PRKCE: variants seen among roughly 807,000 people sequenced by gnomAD.
PRKCE encodes the protein protein kinase C epsilon type.
PRKCE carries 16 observed loss-of-function variants against 85.4 expected under a neutral mutation model. That is an observed-to-expected ratio of 0.19 (90% confidence interval 0.13 to 0.28). PRKCE has a LOEUF of 0.28. Ranked by LOEUF, PRKCE falls within the 10% of genes least tolerant of loss-of-function variation. The pLI is 1.00. For missense variants in PRKCE, 573 were observed against 975.2 expected (o/e 0.59, Z 5.49); for synonymous variants, 388 against 371.5 (o/e 1.04, Z -0.51).
At chr2:45,781,486 T>A (rs959893214) in intron 1 of PRKCE, among the ~76,000 whole-genome samples, 3 of 151,986 alleles carry the variant, frequency 2.0e-5, no homozygotes, top group Admixed American at 1.3e-4. Context: ...TTAATGACAA[T>A]TTGTTTGTTA....
intron 1 of PRKCE, among the ~76,000 whole-genome samples, chr2:45,688,882 G>A (rs370858330): frequency 2.4e-4 from 37 of 152,324 alleles, no homozygotes; most frequent in Middle Eastern, 3.4e-3. Context: ...TTATCAGTAA[G>A]CTTCTGAATT....
At chr2:46,077,725 A>T (rs1668682303) in intron 10 of PRKCE, among the ~76,000 whole-genome samples, 1 of 152,196 alleles carries the variant, frequency 6.6e-6, no homozygotes, top group Admixed American at 6.5e-5. Context: ...AAAAATAATT[A>T]TTACTCAGAT....
chr2:46,057,642 C>G (rs954105055), intron 10 of PRKCE, among the ~76,000 whole-genome samples: 15 of 152,282 alleles, frequency 9.9e-5, no homozygotes, highest in Admixed American at 7.8e-4. Flanking sequence ...CCACGTTGGC[C>G]AGGCTGGTCT....
chr2:46,136,991 A>T (rs1382197247), intron 11 of PRKCE, among the ~76,000 whole-genome samples: 1 of 152,234 alleles, frequency 6.6e-6, no homozygotes, highest in Admixed American at 6.5e-5. Flanking sequence ...CAAAAATAAA[A>T]GGAGTTTTAG....
chr2:45,664,391 C>T lies in PRKCE; in HGVS notation c.348+11943C>T, dbSNP rs138178125. ...TAATAGCTACCTTATAGCAAGTTTG[C>T]GATCAATGGTTAACTACTTATTATT... On this transcript the variant is annotated intron_variant, in intron 1 of 14. Transcript: ENST00000306156. Among the ~76,000 whole-genome samples, 34 of 152,250 alleles carry T rather than the reference C, an allele frequency of 2.2e-4. No individual in the cohort carries two copies. In the South Asian group the frequency reaches 4.4e-3, roughly 20 times the overall value.
intron 1 of PRKCE, among the ~76,000 whole-genome samples, chr2:45,750,806 G>A (rs1166500902): frequency 2.0e-5 from 3 of 152,136 alleles, no homozygotes; most frequent in African/African-American, 7.2e-5. Context: ...TGCATGCTTG[G>A]TAAGTGTGTG....
intron 1 of PRKCE, among the ~76,000 whole-genome samples, chr2:45,689,435 G>T (rs896463163): frequency 6.6e-6 from 1 of 152,028 alleles, no homozygotes. Flanking sequence ...TCCTATTGGC[G>T]AAAAGAAGGT....
chr2:45,744,307 A>T (rs112743487), intron 1 of PRKCE, among the ~76,000 whole-genome samples: 119 of 152,236 alleles, frequency 7.8e-4, no homozygotes, highest in Non-Finnish European at 1.5e-3. Context: ...TTTTCCAAAA[A>T]ATTTCCTAGA....
At chr2:46,079,190 A>G (rs1000493964) in intron 10 of PRKCE, among the ~76,000 whole-genome samples, 1 of 151,552 alleles carries the variant, frequency 6.6e-6, no homozygotes, top group Non-Finnish European at 1.5e-5. Context: ...AAAAAAAAAA[A>G]AAGAAAATAT....
intron 11 of PRKCE, among the ~76,000 whole-genome samples, chr2:46,121,983 C>CT (rs1364371055): frequency 1.3e-5 from 2 of 152,058 alleles, no homozygotes; most frequent in Non-Finnish European, 1.5e-5. Context: ...TCCTTCCCTC[C>CT]TTTTTTCCCA....
At chr2:46,177,389 A>C (rs1679524778) in intron 14 of PRKCE, among the ~76,000 whole-genome samples, 1 of 152,230 alleles carries the variant, frequency 6.6e-6, no homozygotes, top group Non-Finnish European at 1.5e-5. Context: ...TTATGATCTC[A>C]TGGTTTGAGG....
intron 10 of PRKCE, among the ~76,000 whole-genome samples, chr2:46,047,702 C>T (rs1379637991): frequency 6.6e-6 from 1 of 152,200 alleles, no homozygotes; most frequent in Non-Finnish European, 1.5e-5. Flanking sequence ...TCCCATTTCC[C>T]CTCCCCTTAT....
intron 2 of PRKCE, among the ~76,000 whole-genome samples, chr2:45,968,982 C>T (rs1422872546): frequency 6.6e-6 from 1 of 151,592 alleles, no homozygotes; most frequent in Non-Finnish European, 1.5e-5. Flanking sequence ...GTACAGACCC[C>T]ATTTTTGCTC....
intron 1 of PRKCE, among the ~76,000 whole-genome samples, chr2:45,813,688 C>G (rs1422035465): frequency 6.6e-6 from 1 of 152,134 alleles, no homozygotes; most frequent in Non-Finnish European, 1.5e-5. Context: ...GCCCTGGAGG[C>G]CAGGCAGTAC....
intron 1 of PRKCE, among the ~76,000 whole-genome samples, chr2:45,832,343 C>T (rs867041641): frequency 1.9e-4 from 27 of 145,758 alleles, no homozygotes; most frequent in African/African-American, 6.9e-4. Flanking sequence ...GACAGAGTCT[C>T]ACTCTGTTGC....
rs575453161 is a variant in PRKCE, at chr2:45,682,818, C to G, written c.348+30370C>G. Among the ~76,000 whole-genome samples, 4 of 152,164 alleles carry G rather than the reference C, an allele frequency of 2.6e-5. No individual in the cohort carries two copies. The South Asian group carries it at 8.3e-4, about 32-fold the overall frequency. On this transcript the variant is annotated intron_variant, in intron 1 of 14. Transcript: ENST00000306156. ...CAACTCCTGACCTCAGGTGATTCAC[C>G]CACCTCAGCCTCCCAAGGTGTTGAG...
chr2:45,773,965 G>A (rs1034010124), intron 1 of PRKCE, among the ~76,000 whole-genome samples: 13 of 152,166 alleles, frequency 8.5e-5, no homozygotes, highest in African/African-American at 1.4e-4. Context: ...GCTCTTGCTC[G>A]GTGCTGTCCG....
At chr2:46,142,228 A>G (rs1675611003) in intron 11 of PRKCE, among the ~76,000 whole-genome samples, 1 of 151,934 alleles carries the variant, frequency 6.6e-6, no homozygotes, top group African/African-American at 2.4e-5. Flanking sequence ...TATCCCATCC[A>G]CTGAAACCCT....
Position 45,960,007 on chromosome 2 carries a change from C to T in PRKCE, c.413-16422C>T, listed in dbSNP as rs191924749. Among the ~76,000 whole-genome samples, 339 of 152,326 alleles carry T rather than the reference C, an allele frequency of 2.2e-3. 3 individuals carry two copies. The highest frequency in any genetic ancestry group is 7.9e-3 in the African/African-American group (328 of 41,584). ...CATTTAAAAGAAATTGGCCTCTCCT[C>T]TTCCTATCTGCTAATCATTTTTCAC... On this transcript the variant is annotated intron_variant, in intron 2 of 14. Transcript: ENST00000306156.
Sources: gnomAD v4.1 joint callset for allele counts (sites outside exome capture counted in the v4.1 genomes callset) on GRCh38, gnomAD v4.1.1 for gene constraint, MANE v1.5 for transcripts, NCBI Gene and HGNC (gene_info 2026-07-23, HGNC 2026-07-21) for gene names.